Variants in NAP1L4 observed in about 807,000 individuals in gnomAD.
NAP1L4 encodes nucleosome assembly protein 1 like 4.
NAP1L4 carries 15 observed loss-of-function variants against 58.2 expected under a neutral mutation model. The ratio of observed to expected loss-of-function variants is 0.26; its 90% CI spans 0.17 to 0.40. The LOEUF is 0.40. Ranked by LOEUF, NAP1L4 falls within the 10% of genes least tolerant of loss-of-function variation. NAP1L4 has a pLI of 1.00. For missense variants in NAP1L4, 384 were observed against 451.1 expected (o/e 0.85, Z 1.35); for synonymous variants, 171 against 155.6 (o/e 1.10, Z -0.74).
At chr11:2,961,740 C>T (rs1047354728) in intron 8 of NAP1L4, among the ~76,000 whole-genome samples, 2 of 152,184 alleles carry the variant, frequency 1.3e-5, no homozygotes, top group African/African-American at 4.8e-5. Flanking sequence ...CTATGTTGCC[C>T]AGGCTGGTCT....
chr11:2,950,696 T>C (rs772002317), intron 14 of NAP1L4, among the ~76,000 whole-genome samples: 2 of 152,214 alleles, frequency 1.3e-5, no homozygotes, highest in Non-Finnish European at 2.9e-5. Flanking sequence ...AAAATCTAAA[T>C]TTGCAGGTAA....
intron 1 of NAP1L4, chr11:2,990,233 G>A (rs1002757031): frequency 1.3e-5 from 2 of 152,004 alleles, no homozygotes; most frequent in Non-Finnish European, 2.9e-5. Context: ...TGTAATAACA[G>A]CTATTTAAGA....
intron 3 of NAP1L4, among the ~76,000 whole-genome samples, chr11:2,977,523 A>G (rs528066447): frequency 6.6e-6 from 1 of 152,302 alleles, no homozygotes; most frequent in South Asian, 2.1e-4. Context: ...AAAAGATGCA[A>G]AAGGTAGGGA....
chr11:2,963,450 C>G (rs916151256), intron 8 of NAP1L4, among the ~76,000 whole-genome samples: 10 of 152,156 alleles, frequency 6.6e-5, no homozygotes, highest in Non-Finnish European at 1.5e-4. Context: ...GAGGGCAGCC[C>G]CCAGCTGGTG....
At chr11:2,958,157 G>A in intron 10 of NAP1L4, 2 of 672,928 alleles carry the variant, frequency 3.0e-6, no homozygotes, top group Admixed American at 2.0e-5. Context: ...GCCAAGCAGA[G>A]TAAAGCTCTT....
At chr11:2,973,834 T>C (rs751185266) in intron 4 of NAP1L4, among the ~76,000 whole-genome samples, 4 of 152,142 alleles carry the variant, frequency 2.6e-5, no homozygotes, top group Non-Finnish European at 4.4e-5. Flanking sequence ...ACTGGTGCGA[T>C]CTCGGCTCAC....
At chr11:2,978,222 G>A in intron 3 of NAP1L4, 62 bp downstream of exon 3, 2 of 1,499,302 alleles carry the variant, frequency 1.3e-6, no homozygotes, top group Non-Finnish European at 9.2e-7. Context: ...ATTAATAAAT[G>A]TTTCCAGAGA....
rs961484982 is a variant in NAP1L4, at chr11:2,955,289, C to T, written c.915+455G>A. ...TCAGCTCACTGCAACCTCCTCCTCT[C>T]GGGTTCAAGTGATTCTCCTGCTTGA... On this transcript the variant is annotated intron_variant, in intron 11 of 15. Coordinates refer to ENST00000380542, the MANE Select transcript of NAP1L4 (RefSeq NM_005969.4). This position sits in a 1 kb window ranked among gnomAD's most constrained non-coding sequence, Gnocchi z 4.2. 5.3e-5 allele frequency among the ~76,000 whole-genome samples: 8 copies of T among 152,086 alleles called. No homozygotes were observed. Among genetic ancestry groups the T allele is most frequent in the Admixed American group, 1.3e-4 (2 of 15,270 alleles).
At chr11:2,968,874 T>C (rs1345394375) in intron 7 of NAP1L4, among the ~76,000 whole-genome samples, 1 of 152,174 alleles carries the variant, frequency 6.6e-6, no homozygotes, top group Non-Finnish European at 1.5e-5. Context: ...TTATAACTCA[T>C]TTCAGGGAAA....
intron 10 of NAP1L4, among the ~76,000 whole-genome samples, chr11:2,957,314 C>T (rs1266018343): frequency 6.6e-6 from 1 of 152,158 alleles, no homozygotes; most frequent in African/African-American, 2.4e-5. Flanking sequence ...CTCTCATTCC[C>T]CAAACCGTAT....
intron 14 of NAP1L4, among the ~76,000 whole-genome samples, chr11:2,950,478 C>T (rs1846166185): frequency 6.6e-6 from 1 of 152,182 alleles, no homozygotes; most frequent in South Asian, 2.1e-4. Flanking sequence ...TCTAGTCGGA[C>T]AGAGACACAT....
intron 1 of NAP1L4, among the ~76,000 whole-genome samples, chr11:2,981,278 C>G (rs10833014): frequency 6.6e-6 from 1 of 150,468 alleles, no homozygotes; most frequent in South Asian, 2.1e-4. Flanking sequence ...GACACAGCGG[C>G]TGATACCTCT....
At chr11:2,962,958 G>A (rs1298130935) in intron 8 of NAP1L4, among the ~76,000 whole-genome samples, 1 of 151,722 alleles carries the variant, frequency 6.6e-6, no homozygotes, top group African/African-American at 2.4e-5. Context: ...AAATTAGCTG[G>A]GCGTGGTGGT....
At chr11:2,957,717 A>G (rs1223482399) in intron 10 of NAP1L4, among the ~76,000 whole-genome samples, 1 of 152,222 alleles carries the variant, frequency 6.6e-6, no homozygotes, top group Admixed American at 6.5e-5. Flanking sequence ...TCTCATCTTT[A>G]TTTTACCACT....
In NAP1L4 at chr11:2,969,911, G is replaced by C; in HGVS notation, c.426C>G (p.Val142=). The C allele has an allele frequency of 6.2e-7, 1 of 1,613,152 alleles. No individual in the cohort carries two copies. The highest frequency in any genetic ancestry group is 2.2e-5 in the East Asian group (1 of 44,862). ...KLAGDMKSKV[V]VTEKAAATAE... ...CCGTTGCCGCTGCTTTTTCTGTGAC[G>C]ACTACTTTACTTTTCATGTCTCCCT... Residue 142 remains valine (V), a synonymous_variant, in exon 7 of 16, where the codon GTC becomes GTG. Coordinates refer to ENST00000380542, the MANE Select transcript of NAP1L4 (RefSeq NM_005969.4).
At chr11:2,977,525 A>T (rs1848035660) in intron 3 of NAP1L4, among the ~76,000 whole-genome samples, 1 of 152,182 alleles carries the variant, frequency 6.6e-6, no homozygotes, top group Non-Finnish European at 1.5e-5. Flanking sequence ...AAGATGCAAA[A>T]GGTAGGGAGA....
rs2301141 is a variant in NAP1L4, at chr11:2,971,967, G to A, written c.315+135C>T. ...TAGCGTTCTGAGCTTGTTTAAGGTA[G>A]TCTAGACTAAGCTATGTTTGGCAGG... On this transcript the variant is annotated intron_variant, in intron 5 of 15. Transcript: ENST00000380542. This position sits in a 1 kb window ranked among gnomAD's most constrained non-coding sequence, Gnocchi z 4.2. 2 of 890,582 alleles carry A rather than the reference G, an allele frequency of 2.2e-6. No homozygotes were observed. The highest frequency in any genetic ancestry group is 3.2e-6 in the Non-Finnish European group (2 of 620,108). 55.2% of individuals were successfully genotyped at this position (890,582 alleles called of 1,614,324 possible).
At chr11:2,958,312 T>A in intron 10 of NAP1L4, 87 bp downstream of exon 10, 1 of 1,390,634 alleles carries the variant, frequency 7.2e-7, no homozygotes, top group Non-Finnish European at 1.0e-6. Flanking sequence ...AAAAGAGGAC[T>A]AAAGTCTCTG....
intron 8 of NAP1L4, 36 bp downstream of exon 8, chr11:2,964,644 G>C: frequency 1.9e-6 from 3 of 1,569,650 alleles, no homozygotes; most frequent in Non-Finnish European, 2.6e-6. Flanking sequence ...GACTGACCCT[G>C]TCTGATGCCA....
Sources: allele counts gnomAD v4.1 joint callset (sites outside exome capture counted in the v4.1 genomes callset), GRCh38; gene constraint gnomAD v4.1.1; non-coding constraint Gnocchi (gnomAD v3.1); transcripts MANE v1.5; gene names NCBI Gene and HGNC (gene_info 2026-07-23, HGNC 2026-07-21).